The following HYLS1 variants were observed in gnomAD, a reference collection of about 807,000 sequenced individuals.
HYLS1 encodes the protein HYLS1 centriolar and ciliogenesis associated, also known as centriolar and ciliogenesis-associated protein HYLS1.
In HYLS1, 25 loss-of-function variants were observed where a neutral mutation model predicts 29.4. The ratio of observed to expected loss-of-function variants is 0.85; its 90% CI spans 0.62 to 1.19. The LOEUF is 1.19. HYLS1 is among the 50% of genes most tolerant of loss of function. The pLI is 0.00. For missense variants in HYLS1, 352 were observed against 365.1 expected (o/e 0.96, Z 0.29); for synonymous variants, 128 against 126.7 (o/e 1.01, Z -0.07).
At chr11:125,894,017 C>G (rs756614074) in intron 2 of HYLS1, 1 of 1,614,208 alleles carries the variant, frequency 6.2e-7, no homozygotes, top group South Asian at 1.1e-5. Context: ...CATCTTCACT[C>G]CTTCTACAAA....
At chr11:125,886,469 A>G (rs1009157704), upstream of HYLS1, among the ~76,000 whole-genome samples, 4 of 151,978 alleles carry the variant, frequency 2.6e-5, no homozygotes, top group African/African-American at 9.7e-5. Flanking sequence ...AGGACTCAAG[A>G]CCAGTTGAGA....
In HYLS1 at chr11:125,899,801, G is replaced by A. The variant is rs1565457233; in HGVS notation, c.433G>A (p.Glu145Lys). The A allele has an allele frequency of 6.2e-7, 1 of 1,614,100 alleles. No individual in the cohort carries two copies. The highest frequency in any genetic ancestry group is 8.5e-7 in the Non-Finnish European group (1 of 1,179,974). Reference protein sequence around the residue: ...LMNVQFQEDKESSFDVSQKFN... With the variant: ...LMNVQFQEDKKSSFDVSQKFN... ...GAATGTACAGTTCCAGGAAGACAAG[G>A]AATCTTCATTTGATGTTTCACAAAA... Residue 145 changes from glutamate to lysine, a missense_variant, in exon 3 of 3, where the codon GAA becomes AAA. Glu to Lys is a moderately conservative substitution (Grantham distance 56, BLOSUM62 1). Coordinates refer to ENST00000425380, the MANE Select transcript of HYLS1 (RefSeq NM_001134793.2).
chr11:125,889,472 C>T (rs1223853273), intron 1 of HYLS1, among the ~76,000 whole-genome samples: 3 of 152,140 alleles, frequency 2.0e-5, no homozygotes, highest in Non-Finnish European at 4.4e-5. Context: ...GTGGCTCACA[C>T]CTGTAATCCC....
chr11:125,895,338 T>G lies in HYLS1; in HGVS notation c.-26+3866T>G, dbSNP rs1362054875. 3 of 1,614,068 alleles carry G rather than the reference T, an allele frequency of 1.9e-6. No homozygotes were observed. In the African/African-American group the frequency reaches 4.0e-5, roughly 22 times the overall value. ...GATAGCCATCATACATCGGACTTGA[T>G]GATAAAGGAATGCCTGGCCAGTCAC... On this transcript the variant is annotated intron_variant, in intron 2 of 2. Coordinates refer to ENST00000425380, the MANE Select transcript of HYLS1 (RefSeq NM_001134793.2).
intron 2 of HYLS1, chr11:125,895,210 T>C (rs762068705): frequency 1.3e-6 from 2 of 1,540,410 alleles, no homozygotes; most frequent in Non-Finnish European, 1.7e-6. Flanking sequence ...ATTTATTTTT[T>C]ATTTTTAACT....
intron 1 of HYLS1, among the ~76,000 whole-genome samples, 172 bp from the exon 2 acceptor site, chr11:125,891,251 G>T (rs1944402399): frequency 6.6e-6 from 1 of 152,072 alleles, no homozygotes; most frequent in South Asian, 2.1e-4. Context: ...TTCTAGATTG[G>T]ATAATATAAT....
intron 2 of HYLS1, chr11:125,893,742 C>T: frequency 1.4e-6 from 2 of 1,451,970 alleles, no homozygotes. Flanking sequence ...TTTCTGTCCA[C>T]CTACCATTAG....
At chr11:125,893,122 C>T (rs953647096) in intron 2 of HYLS1, among the ~76,000 whole-genome samples, 3 of 152,194 alleles carry the variant, frequency 2.0e-5, no homozygotes, top group Non-Finnish European at 4.4e-5. Context: ...GCTTGGCAAA[C>T]ACCATGGCCC....
At position 125,900,417 on chromosome 11, in the gene HYLS1, CA is replaced by C; in HGVS notation, c.*150del. 1 of 711,860 alleles carries C rather than the reference CA, an allele frequency of 1.4e-6. No homozygotes were observed. The highest frequency in any genetic ancestry group is 1.8e-5 in the South Asian group (1 of 55,682). 44.1% of individuals were successfully genotyped at this position (711,860 alleles called of 1,614,324 possible). On this transcript the variant is annotated 3_prime_UTR_variant, in exon 3 of 3. Transcript: ENST00000425380. The stretch of plus-strand genomic sequence containing the variant: ...TCATTGGTCTTTCCTAGCTATATAT[CA>C]CATTGGTATCAGATGATACTTCCAA...
Position 125,891,423 on chromosome 11 carries a change from GTTTT to G in HYLS1, c.-68_-65del, listed in dbSNP as rs60408033. 1 of 135,934 alleles carries G rather than the reference GTTTT, an allele frequency of 7.4e-6. No individual in the cohort carries two copies. Among genetic ancestry groups the G allele is most frequent in the African/African-American group, 2.8e-5 (1 of 36,216 alleles). The allele number at this position is 135,934 out of a possible 1,614,324, so 8.4% of individuals were successfully genotyped here. Reference sequence around the variant, plus strand: ...TTTAAACTCTATTCTTCTTTTCTAGGTTTTTTTTTTACTTGAATGTAAATACCAA... The same window carrying G: ...TTTAAACTCTATTCTTCTTTTCTAGGTTTTTTACTTGAATGTAAATACCAA... On this transcript the variant is annotated splice_region_variant and 5_prime_UTR_variant, in exon 2 of 3. Coordinates refer to ENST00000425380, the MANE Select transcript of HYLS1 (RefSeq NM_001134793.2).
chr11:125,886,861 AGATCGC>A (rs2134224889), upstream of HYLS1, among the ~76,000 whole-genome samples: 1 of 143,810 alleles, frequency 7.0e-6, no homozygotes, highest in East Asian at 2.2e-4. Context: ...CAGAGAGCTG[AGATCGC>A]GCCACTACTC....
upstream of HYLS1, among the ~76,000 whole-genome samples, chr11:125,885,486 T>C (rs1944290673): frequency 6.6e-6 from 1 of 151,352 alleles, no homozygotes; most frequent in African/African-American, 2.4e-5. Flanking sequence ...AGAAACGAAC[T>C]GGGGGATCCA....
At chr11:125,887,055 G>C (rs1388421553), upstream of HYLS1, 2 of 152,626 alleles carry the variant, frequency 1.3e-5, no homozygotes, top group African/African-American at 4.8e-5. Context: ...AGGAGCTGTG[G>C]AGACGCAGCC....
Position 125,894,064 on chromosome 11 carries a change from T to G in HYLS1, c.-26+2592T>G, listed in dbSNP as rs768484460. Reference sequence around the variant, plus strand: ...GCTTTATGACAGAGGGCTTAACATTTCCCCATTCTGTCATTCCATCCATCT... The same window carrying G: ...GCTTTATGACAGAGGGCTTAACATTGCCCCATTCTGTCATTCCATCCATCT... On this transcript the variant is annotated intron_variant, in intron 2 of 2. Transcript: ENST00000425380. The G allele has an allele frequency of 3.7e-6, 6 of 1,614,146 alleles. No individual in the cohort carries two copies. In the South Asian group the frequency reaches 4.4e-5, roughly 12 times the overall value.
At chr11:125,886,798 C>T (rs890878651), upstream of HYLS1, among the ~76,000 whole-genome samples, 1 of 150,888 alleles carries the variant, frequency 6.6e-6, no homozygotes, top group Non-Finnish European at 1.5e-5. Context: ...GTAATCCCAG[C>T]TGCTCGGGAG....
At chr11:125,888,611 A>G (rs1339466658) in intron 1 of HYLS1, among the ~76,000 whole-genome samples, 1 of 152,104 alleles carries the variant, frequency 6.6e-6, no homozygotes, top group Non-Finnish European at 1.5e-5. Flanking sequence ...TCTACTAAAA[A>G]TACAAAAATT....
At chr11:125,894,500 T>G (rs1944515019) in intron 2 of HYLS1, among the ~76,000 whole-genome samples, 1 of 152,218 alleles carries the variant, frequency 6.6e-6, no homozygotes, top group African/African-American at 2.4e-5. Context: ...CAACCTGATC[T>G]ATGTAAGGTA....
chr11:125,889,082 T>G (rs529761286), intron 1 of HYLS1, among the ~76,000 whole-genome samples: 3 of 152,186 alleles, frequency 2.0e-5, no homozygotes, highest in Non-Finnish European at 4.4e-5. Context: ...TTTAAATAAT[T>G]GCATGTTACA....
Position 125,898,674 on chromosome 11 carries a change from CA to C in HYLS1, c.-25-659del, listed in dbSNP as rs1218833075. 5.8e-3 allele frequency among the ~76,000 whole-genome samples: 827 copies of C among 143,216 alleles called. 9 individuals are homozygous for C. The highest frequency in any genetic ancestry group is 0.019 in the African/African-American group (725 of 39,184). 94.0% of individuals were successfully genotyped at this position (143,216 alleles called of 152,430 possible). On this transcript the variant is annotated intron_variant, in intron 2 of 2. Coordinates refer to ENST00000425380, the MANE Select transcript of HYLS1 (RefSeq NM_001134793.2). ...CCTAGGTGACAGCAAGACTCCATCT[CA>C]AAAAAAAAAATTATTAAAGCATAGA...
Sources: gnomAD v4.1 joint callset for allele counts (sites outside exome capture counted in the v4.1 genomes callset) on GRCh38, gnomAD v4.1.1 for gene constraint, MANE v1.5 for transcripts, NCBI Gene and HGNC (gene_info 2026-07-23, HGNC 2026-07-21) for gene names.